Variants in DUXA observed in about 807,000 individuals in gnomAD.
DUXA encodes the protein double homeobox A.
Under a neutral mutation model 27.5 loss-of-function variants are expected in DUXA, and 25 were observed. The observed-to-expected ratio is 0.91, with a 90% CI of 0.66 to 1.27. The LOEUF is 1.27. DUXA is among the 50% of genes most tolerant of loss of function. DUXA has a pLI of 0.00. For missense variants in DUXA, 247 were observed against 242.9 expected (o/e 1.02, Z -0.11); for synonymous variants, 90 against 80.5 (o/e 1.12, Z -0.63).
chr19:57,154,468 G>C lies in DUXA; in HGVS notation c.559C>G (p.Gln187Glu), dbSNP rs144874497. ...PEGLQGAEDT[Q>E]NGTNFTSDSH... ...TCACTAGTGAAGTTGGTGCCATTTT[G>C]TGTATCTTCTGCACCTAAGGAGGAA... The change falls in exon 6 of 6, where the codon CAA (glutamine) becomes GAA (glutamate). Residue 187 changes from glutamine (Q) to glutamate (E), a missense_variant. Physicochemically the swap from Gln to Glu is conservative, Grantham distance 29. Coordinates refer to ENST00000554048, the MANE Select transcript of DUXA (RefSeq NM_001012729.2). 4 of 1,613,354 alleles carry C rather than the reference G, an allele frequency of 2.5e-6. No individual in the cohort carries two copies. Among genetic ancestry groups the C allele is most frequent in the Non-Finnish European group, 2.5e-6 (3 of 1,179,504 alleles).
rs764811667 is a variant in DUXA at position 57,159,182 on chromosome 19, C to T, written c.277G>A (p.Gly93Ser). 2.5e-6 allele frequency: 4 copies of T among 1,613,844 alleles called. No homozygotes were observed. The highest frequency in any genetic ancestry group is 2.5e-6 in the Non-Finnish European group (3 of 1,179,946). ...GGTTATTTACTTTGAAACTCCACACCAGGTTGATCTTGCCCCTGGCTCTGG... is the reference window on the plus strand; with the variant it reads ...GGTTATTTACTTTGAAACTCCACACTAGGTTGATCTTGCCCCTGGCTCTGG... ...SSQSQGQDQP[G>S]VEFQSREARR... Residue 93 changes from glycine to serine, a missense_variant, in exon 3 of 6, where the codon GGT (glycine) becomes AGT (serine). Physicochemically the swap from Gly to Ser is moderately conservative, Grantham distance 56. Coordinates refer to ENST00000554048, the MANE Select transcript of DUXA (RefSeq NM_001012729.2).
rs531862723 is a variant in DUXA at position 57,154,650 on chromosome 19, G to A, written c.545-168C>T. ...GCGATCTCGGCTCACTGCAAGCTCC[G>A]CCTCCCGGGTTCACGCCATGCTCCT... is the stretch of plus-strand genomic sequence containing the variant. On this transcript the variant is annotated intron_variant, in intron 5 of 5. Transcript: ENST00000554048. Among the ~76,000 whole-genome samples the A allele has an allele frequency of 3.9e-4, 59 of 150,826 alleles. 1 individual carries two copies. The highest frequency in any genetic ancestry group is 6.8e-3 in the Middle Eastern group (2 of 294).
intron 1 of DUXA, among the ~76,000 whole-genome samples, chr19:57,163,250 C>T (rs1320430939): frequency 6.6e-6 from 1 of 152,066 alleles, no homozygotes; most frequent in Non-Finnish European, 1.5e-5. Flanking sequence ...CTCCCTGACC[C>T]TCCGGTCTAA....
At position 57,155,357 on chromosome 19, in the gene DUXA, G is replaced by T; in HGVS notation, c.454C>A (p.Arg152=). The change falls in exon 5 of 6, where the codon CGA becomes AGA. Residue 152 remains arginine (R), a synonymous_variant. Transcript: ENST00000554048. The part of the protein sequence containing the change: ...ESRVQIWFQN[R]RSRLLLQRKR... ...CTCTGGAGAAGTAATCTAGATCTTC[G>T]ATTTTGGAACCAAATCTAAGTGGTA... 6.2e-7 allele frequency: 1 copy of T among 1,613,942 alleles called. No individual in the cohort carries two copies. Among genetic ancestry groups the T allele is most frequent in the Non-Finnish European group, 8.5e-7 (1 of 1,179,880 alleles).
At position 57,160,636 on chromosome 19, in the gene DUXA, A is replaced by G. The variant is rs1168833174; in HGVS notation, c.180+7T>C. The stretch of plus-strand genomic sequence containing the variant: ...TCCAGTCCTGGAGATATTGAACTTT[A>G]ACTTACCTGGATTCTGGACTCTTCT... On this transcript the variant is annotated splice_region_variant and intron_variant, in intron 2 of 5. Transcript: ENST00000554048. 6.2e-7 allele frequency: 1 copy of G among 1,611,764 alleles called. No individual in the cohort carries two copies. The highest frequency in any genetic ancestry group is 1.7e-5 in the Admixed American group (1 of 59,854).
chr19:57,163,259 A>G (rs183292780), intron 1 of DUXA, among the ~76,000 whole-genome samples: 62 of 152,124 alleles, frequency 4.1e-4, no homozygotes, highest in African/African-American at 1.3e-3. Flanking sequence ...CCTCCGGTCT[A>G]AGGCAGTCCA....
intron 4 of DUXA, among the ~76,000 whole-genome samples, chr19:57,157,358 G>T (rs1313747385): frequency 6.6e-6 from 1 of 151,858 alleles, no homozygotes; most frequent in Admixed American, 6.6e-5. Flanking sequence ...TCAAGACGGA[G>T]TCTTGCTCTG....
At chr19:57,157,887 A>C (rs13344504) in intron 4 of DUXA, among the ~76,000 whole-genome samples, 109,184 of 151,464 alleles carry the variant, frequency 0.72, 39,658 homozygotes, top group South Asian at 0.85. Context: ...CTAGCTACTC[A>C]GGCAGCTGAA....
At chr19:57,165,609 T>G (rs1289944581) in intron 1 of DUXA, among the ~76,000 whole-genome samples, 1 of 151,372 alleles carries the variant, frequency 6.6e-6, no homozygotes, top group Non-Finnish European at 1.5e-5. Flanking sequence ...ATCGAGACCA[T>G]CCTGGCTAAC....
Position 57,166,604 on chromosome 19 carries a change from G to A in DUXA, c.25+815C>T, listed in dbSNP as rs183185956. On this transcript the variant is annotated intron_variant, in intron 1 of 5. Coordinates refer to ENST00000554048, the MANE Select transcript of DUXA (RefSeq NM_001012729.2). ...ATTACAGGCGTGAGCCACGGCGCCC[G>A]GCCGCCATAATTTAATTAACAGTTT... Among the ~76,000 whole-genome samples the A allele has an allele frequency of 2.9e-3, 445 of 152,296 alleles. 2 individuals carry two copies. The highest frequency in any genetic ancestry group is 0.01 in the African/African-American group (418 of 41,560).
intron 1 of DUXA, among the ~76,000 whole-genome samples, chr19:57,167,022 G>C (rs1408801748): frequency 1.3e-5 from 2 of 152,148 alleles, no homozygotes; most frequent in African/African-American, 4.8e-5. Flanking sequence ...ATTCTGTAGA[G>C]AGAAATCAGG....
Position 57,155,294 on chromosome 19 carries a change from G to T in DUXA, c.517C>A (p.Gln173Lys), listed in dbSNP as rs2086987068. 1 of 1,614,038 alleles carries T rather than the reference G, an allele frequency of 6.2e-7. No homozygotes were observed. Among genetic ancestry groups the T allele is most frequent in the Non-Finnish European group, 8.5e-7 (1 of 1,180,010 alleles). ...TGCAGTCCCTCAGGAATCTTGCCCTGCTCTTCTTGTTCTAAGGACGCCACA... is the reference window on the plus strand; with the variant it reads ...TGCAGTCCCTCAGGAATCTTGCCCTTCTCTTCTTGTTCTAAGGACGCCACA... The part of the protein sequence containing the change: ...EPVASLEQEE[Q>K]GKIPEGLQGA... The change falls in exon 5 of 6, where the codon CAG (glutamine) becomes AAG (lysine). Residue 173 changes from glutamine (Q) to lysine (K), a missense_variant. Coordinates refer to ENST00000554048, the MANE Select transcript of DUXA (RefSeq NM_001012729.2).
At chr19:57,158,102 G>A (rs2087001314) in intron 4 of DUXA, among the ~76,000 whole-genome samples, 2 of 152,162 alleles carry the variant, frequency 1.3e-5, no homozygotes, top group Admixed American at 1.3e-4. Context: ...GCACTGTTCA[G>A]GGCCCAAGGA....
intron 1 of DUXA, among the ~76,000 whole-genome samples, chr19:57,164,268 T>C (rs925999753): frequency 4.6e-5 from 7 of 152,214 alleles, no homozygotes; most frequent in Admixed American, 3.3e-4. Flanking sequence ...ACACTTACTA[T>C]GCACCCACAA....
intron 4 of DUXA, 146 bp downstream of exon 4, chr19:57,158,182 G>A: frequency 1.1e-6 from 1 of 885,120 alleles, no homozygotes; most frequent in Non-Finnish European, 1.8e-6. Context: ...TGGGCACCTG[G>A]GGGTAGAAGC....
chr19:57,165,318 A>AT (rs1555759520), intron 1 of DUXA, among the ~76,000 whole-genome samples: 5 of 97,104 alleles, frequency 5.1e-5, no homozygotes, highest in South Asian at 3.2e-4. Context: ...GGAAAAAAAA[A>AT]AAAAAAATAT....
At chr19:57,154,596 C>G in intron 5 of DUXA, 114 bp from the exon 6 acceptor site, 2 of 802,770 alleles carry the variant, frequency 2.5e-6, no homozygotes, top group Non-Finnish European at 3.8e-6. Flanking sequence ...CGGAGTCTCA[C>G]TTTGTCGCCC....
At chr19:57,156,687 A>G (rs2086994657) in intron 4 of DUXA, among the ~76,000 whole-genome samples, 2 of 152,096 alleles carry the variant, frequency 1.3e-5, no homozygotes, top group Admixed American at 6.6e-5. Flanking sequence ...ATTTTGAGAC[A>G]GAGTTTCGCC....
At chr19:57,156,465 G>A (rs187818659) in intron 4 of DUXA, among the ~76,000 whole-genome samples, 5 of 152,190 alleles carry the variant, frequency 3.3e-5, no homozygotes, top group Admixed American at 6.5e-5. Flanking sequence ...GCAGTGGTGC[G>A]ATCACAGTTC....
Sources: gnomAD v4.1 joint callset for allele counts (sites outside exome capture counted in the v4.1 genomes callset) on GRCh38, gnomAD v4.1.1 for gene constraint, MANE v1.5 for transcripts, NCBI Gene and HGNC (gene_info 2026-07-23, HGNC 2026-07-21) for gene names.